The following CLRN2 variants were observed in gnomAD, a reference collection of about 807,000 sequenced individuals.
CLRN2 encodes the protein clarin 2, also known as clarin-2.
A neutral mutation model predicts 20.1 loss-of-function variants in CLRN2; 17 were observed. The observed-to-expected ratio is 0.85, with a 90% CI of 0.58 to 1.27. The LOEUF is 1.27. Ranked by LOEUF, CLRN2 falls within the 50% of genes most tolerant of loss-of-function variation. CLRN2 has a pLI of 0.00. For missense variants in CLRN2, 288 were observed against 299.5 expected (o/e 0.96, Z 0.28); for synonymous variants, 140 against 126.9 (o/e 1.10, Z -0.70).
intron 2 of CLRN2, 91 bp from the exon 3 acceptor site, chr4:17,526,726 A>T: frequency 6.6e-7 from 1 of 1,512,770 alleles, no homozygotes; most frequent in African/African-American, 1.4e-5. Context: ...TGTTAACCCA[A>T]AGCAAGTTTG....
intron 2 of CLRN2, among the ~76,000 whole-genome samples, chr4:17,524,527 G>A (rs1488489654): frequency 1.3e-5 from 2 of 152,126 alleles, no homozygotes; most frequent in South Asian, 2.1e-4. Context: ...TAGCCACCCT[G>A]TAGAATTGTT....
At chr4:17,524,121 G>T (rs1380694107) in intron 2 of CLRN2, among the ~76,000 whole-genome samples, 1 of 151,708 alleles carries the variant, frequency 6.6e-6, no homozygotes, top group East Asian at 1.9e-4. Flanking sequence ...AGGTGTAACT[G>T]ATTCTAAGCT....
chr4:17,524,239 C>G (rs564882786), intron 2 of CLRN2, among the ~76,000 whole-genome samples: 1 of 101,236 alleles, frequency 9.9e-6, no homozygotes, highest in Non-Finnish European at 2.4e-5. Flanking sequence ...TGTGTGTGCG[C>G]GCGCATGTTG....
rs944101777 is a variant in CLRN2, at chr4:17,526,936, T to C, written c.553T>C (p.Tyr185His). ...LFQFVVVEEQ[Y>H]EESFWICVAS... is the part of the protein sequence containing the mutation. Reference sequence around the variant, plus strand: ...CCAGTTTGTGGTGGTGGAAGAACAGTATGAAGAGTCGTTTTGGATCTGCGT... The same window carrying C: ...CCAGTTTGTGGTGGTGGAAGAACAGCATGAAGAGTCGTTTTGGATCTGCGT... The change falls in exon 3 of 3, where the codon TAT becomes CAT. Residue 185 changes from tyrosine (Y) to histidine (H), a missense_variant. Physicochemically the swap from Tyr to His is moderately conservative, Grantham distance 83 (BLOSUM62 2). Coordinates refer to ENST00000511148, the MANE Select transcript of CLRN2 (RefSeq NM_001079827.2). The C allele has an allele frequency of 5.0e-6, 8 of 1,614,020 alleles. No homozygotes were observed. Among genetic ancestry groups the C allele is most frequent in the Non-Finnish European group, 6.8e-6 (8 of 1,179,896 alleles).
Position 17,522,929 on chromosome 4 carries a change from C to T in CLRN2, c.319C>T (p.Leu107=). The T allele has an allele frequency of 6.2e-7, 1 of 1,614,036 alleles. No individual in the cohort carries two copies. The highest frequency in any genetic ancestry group is 1.3e-5 in the African/African-American group (1 of 75,046). Residue 107 remains leucine, a synonymous_variant, in exon 2 of 3, where the codon CTG becomes TTG. Transcript: ENST00000511148. ...LHVMILLLLF[L]ALALALVSMG... ...TGTGATGATTCTGCTGCTCCTCTTC[C>T]TGGCCTTGGCCCTGGCTCTGGTCAG...
At chr4:17,521,743 A>C (rs1203617662) in intron 1 of CLRN2, among the ~76,000 whole-genome samples, 1 of 152,196 alleles carries the variant, frequency 6.6e-6, no homozygotes, top group Non-Finnish European at 1.5e-5. Flanking sequence ...TGGGTAAATA[A>C]AGGATTCAAA....
chr4:17,517,852 C>G (rs1469089696), intron 1 of CLRN2, among the ~76,000 whole-genome samples: 2 of 152,152 alleles, frequency 1.3e-5, no homozygotes, highest in African/African-American at 4.8e-5. Context: ...TCACGAGGAG[C>G]CTGGGGCCAG....
Position 17,527,017 on chromosome 4 carries a change from C to T in CLRN2, c.634C>T (p.Pro212Ser). 6.2e-7 allele frequency: 1 copy of T among 1,611,692 alleles called. No individual in the cohort carries two copies. Among genetic ancestry groups the T allele is most frequent in the Non-Finnish European group, 8.5e-7 (1 of 1,178,702 alleles). Residue 212 changes from proline to serine, a missense_variant, in exon 3 of 3, where the codon CCC becomes TCC. Transcript: ENST00000511148. ...NLVVVAISQIPLPEIKTKIEE... is the reference protein window; with the variant it reads ...NLVVVAISQISLPEIKTKIEE... ...GGTCGTGGTGGCGATCAGTCAAATT[C>T]CCCTCCCTGAGATTAAGACCAAAAT...
intron 1 of CLRN2, among the ~76,000 whole-genome samples, chr4:17,516,434 A>G (rs936826825): frequency 6.6e-6 from 1 of 152,256 alleles, no homozygotes; most frequent in Admixed American, 6.5e-5. Flanking sequence ...ATGCCAATGT[A>G]GGGTGATACA....
intron 2 of CLRN2, among the ~76,000 whole-genome samples, chr4:17,523,509 G>C (rs1444082882): frequency 6.6e-6 from 1 of 152,014 alleles, no homozygotes; most frequent in Non-Finnish European, 1.5e-5. Context: ...AAGTTGCAGA[G>C]TCTGTCACAA....
rs1026385247 is a variant in CLRN2 at position 17,515,969 on chromosome 4, G to A, written c.253+450G>A. 1.3e-4 allele frequency among the ~76,000 whole-genome samples: 20 copies of A among 152,208 alleles called. 1 individual carries two copies. Among genetic ancestry groups the A allele is most frequent in the Admixed American group, 1.3e-3 (20 of 15,274 alleles). On this transcript the variant is annotated intron_variant, in intron 1 of 2. Transcript: ENST00000511148. ...GGTCACCCAGCCAGGAAACAGTAGA[G>A]CCGGACTCCAGACCCATGCCACATG...
At chr4:17,522,193 G>A (rs1711850457) in intron 1 of CLRN2, among the ~76,000 whole-genome samples, 1 of 152,174 alleles carries the variant, frequency 6.6e-6, no homozygotes, top group East Asian at 1.9e-4. Context: ...CTTAGTAAAT[G>A]TTGATTATCC....
At chr4:17,522,606 A>G (rs1047497173) in intron 1 of CLRN2, among the ~76,000 whole-genome samples, 8 of 152,194 alleles carry the variant, frequency 5.3e-5, no homozygotes, top group Non-Finnish European at 1.0e-4. Context: ...TTCAAGCTCA[A>G]TGCAACTTAA....
At chr4:17,517,771 G>C (rs562326711) in intron 1 of CLRN2, among the ~76,000 whole-genome samples, 1 of 152,212 alleles carries the variant, frequency 6.6e-6, no homozygotes, top group African/African-American at 2.4e-5. Flanking sequence ...CTGCTGCCCT[G>C]GGGTTGTCTC....
chr4:17,525,392 T>G (rs1711948348), intron 2 of CLRN2, among the ~76,000 whole-genome samples: 1 of 152,174 alleles, frequency 6.6e-6, no homozygotes. Context: ...TCCCAGCACT[T>G]GGGGATGCTG....
chr4:17,522,762 C>G, intron 1 of CLRN2, 102 bp from the exon 2 acceptor site: 3 of 1,277,232 alleles, frequency 2.3e-6, no homozygotes, highest in Non-Finnish European at 3.3e-6. Flanking sequence ...CTGTCTTGCC[C>G]TCACCCCTGT....
At chr4:17,521,560 T>G (rs1240979241) in intron 1 of CLRN2, among the ~76,000 whole-genome samples, 1 of 152,234 alleles carries the variant, frequency 6.6e-6, no homozygotes, top group Non-Finnish European at 1.5e-5. Context: ...CATACAGTTG[T>G]GAACAACAGT....
intron 2 of CLRN2, among the ~76,000 whole-genome samples, chr4:17,524,653 T>C (rs1711925631): frequency 6.6e-6 from 1 of 152,054 alleles, no homozygotes. Context: ...AATATTTATC[T>C]CTGTCCATTC....
rs1711712121 is a variant in CLRN2 at position 17,517,574 on chromosome 4, T to G, written c.253+2055T>G. 3.9e-5 allele frequency among the ~76,000 whole-genome samples: 6 copies of G among 152,186 alleles called. No individual in the cohort carries two copies. In the South Asian group the frequency reaches 1.2e-3, roughly 32 times the overall value. Reference sequence around the variant, plus strand: ...AACAAATGCATATTTTGTTTGAGCCTTGGAGGAACTCAGTAAGTACTTCTT... The same window carrying G: ...AACAAATGCATATTTTGTTTGAGCCGTGGAGGAACTCAGTAAGTACTTCTT... On this transcript the variant is annotated intron_variant, in intron 1 of 2. Transcript: ENST00000511148.
Sources: gnomAD v4.1 joint callset for allele counts (sites outside exome capture counted in the v4.1 genomes callset) on GRCh38, gnomAD v4.1.1 for gene constraint, MANE v1.5 for transcripts, NCBI Gene and HGNC (gene_info 2026-07-23, HGNC 2026-07-21) for gene names.